CREG2: variants seen among roughly 807,000 people sequenced by gnomAD.
The protein encoded by CREG2 is protein CREG2.
CREG2 carries 24 observed loss-of-function variants against 26.2 expected under a neutral mutation model. The ratio of observed to expected loss-of-function variants is 0.92; its 90% confidence interval spans 0.66 to 1.29. CREG2 has a LOEUF of 1.29. CREG2 is among the 50% of genes most tolerant of loss of function. The probability of loss-of-function intolerance (pLI) is 0.00; values close to 1 mark genes in which losing one functional copy is unlikely to be tolerated. For missense variants in CREG2, 366 were observed against 398.6 expected, an observed-to-expected ratio of 0.92 and a Z score of 0.70; for synonymous variants, 174 against 169.2, an observed-to-expected ratio of 1.03 and a Z score of -0.22.
At chr2:101,363,815 A>T (rs1324819497) in intron 2 of CREG2, among the ~76,000 whole-genome samples, 1 of 151,154 alleles carries the variant, frequency 6.6e-6, no homozygotes, top group African/African-American at 2.4e-5. Flanking sequence ...ATGCCATTGC[A>T]CTCCAGCCTC....
chr2:101,386,962 C>T, intron 1 of CREG2, 55 bp downstream of exon 1: 1 of 1,229,064 alleles, frequency 8.1e-7, no homozygotes, highest in Non-Finnish European at 1.0e-6. Context: ...CTGTCCCCGT[C>T]CCCCGGCCGC....
At chr2:101,382,845 C>A in intron 2 of CREG2, 1 of 985,508 alleles carries the variant, frequency 1.0e-6, no homozygotes, top group Non-Finnish European at 1.2e-6. Flanking sequence ...CCCAGGCCAT[C>A]CTGGGCATTT....
chr2:101,363,873 CACACACACACAG>C (rs1028119751), intron 2 of CREG2, among the ~76,000 whole-genome samples: 1 of 151,664 alleles, frequency 6.6e-6, no homozygotes, highest in African/African-American at 2.4e-5. Context: ...CACACACACA[CACACACACACAG>C]ACACACACAC....
intron 1 of CREG2, among the ~76,000 whole-genome samples, chr2:101,384,219 A>G (rs1684928501): frequency 6.6e-6 from 1 of 152,228 alleles, no homozygotes; most frequent in Non-Finnish European, 1.5e-5. Context: ...TTAGGGCTGC[A>G]TCACTTTCTC....
chr2:101,374,494 T>C (rs887977091), intron 2 of CREG2, among the ~76,000 whole-genome samples: 1 of 152,250 alleles, frequency 6.6e-6, no homozygotes, highest in African/African-American at 2.4e-5. Context: ...ACTTATATGT[T>C]CCTTTCAAAA....
chr2:101,378,580 C>T (rs756886816), intron 2 of CREG2, among the ~76,000 whole-genome samples: 1 of 152,214 alleles, frequency 6.6e-6, no homozygotes, highest in Non-Finnish European at 1.5e-5. Context: ...TCACCTATTC[C>T]TTCTTCACCA....
chr2:101,384,618 C>T (rs180726673), intron 1 of CREG2, among the ~76,000 whole-genome samples: 69 of 152,298 alleles, frequency 4.5e-4, no homozygotes, highest in African/African-American at 1.6e-3. Context: ...TGGGGACTCA[C>T]CCTGTAATCC....
At chr2:101,371,759 C>G (rs1684710467) in intron 2 of CREG2, among the ~76,000 whole-genome samples, 1 of 152,174 alleles carries the variant, frequency 6.6e-6, no homozygotes, top group African/African-American at 2.4e-5. Context: ...ATGGAAGTGG[C>G]TGCACAAACC....
intron 2 of CREG2, among the ~76,000 whole-genome samples, chr2:101,374,240 TG>T (rs1229145548): frequency 6.6e-6 from 1 of 152,170 alleles, no homozygotes; most frequent in Non-Finnish European, 1.5e-5. Context: ...TAGCCAGGCA[TG>T]GTGGCGCCTG....
Position 101,387,062 on chromosome 2 carries a change from A to T in CREG2, c.396T>A (p.His132Gln). 8.1e-7 allele frequency: 1 copy of T among 1,232,888 alleles called. No homozygotes were observed. The highest frequency in any genetic ancestry group is 1.0e-6 in the Non-Finnish European group (1 of 989,086). 76.4% of individuals were successfully genotyped at this position (1,232,888 alleles called of 1,614,324 possible). A position where few individuals can be genotyped will look rare whatever the true frequency, so the allele number is the denominator to read the frequency against. The change falls in exon 1 of 4, where the codon CAT becomes CAA. Residue 132 changes from histidine (H) to glutamine (Q), a missense_variant. Around this residue, in one of 3 missense-constraint regions of CREG2, gnomAD observed 15 missense variants for 37.2 expected, o/e 0.40. Coordinates refer to ENST00000324768, the MANE Select transcript of CREG2 (RefSeq NM_153836.4). This position sits in a 1 kb window ranked among gnomAD's most constrained non-coding sequence, Gnocchi z 4.7. ...TGGCCAGGCAGCCCCAGACGCTGGC[A>T]TGGGCCAGGGAGCGGGCGGTGGCGG... ...LRAATARSLA[H>Q]ASVWGCLATV... is the part of the protein sequence containing the mutation.
At chr2:101,351,419 C>T (rs2104467913) in intron 3 of CREG2, among the ~76,000 whole-genome samples, 1 of 152,344 alleles carries the variant, frequency 6.6e-6, no homozygotes, top group African/African-American at 2.4e-5. Context: ...CTTCATAGGG[C>T]TGTGTGGGGA....
At chr2:101,359,855 AG>A (rs1272406166) in intron 2 of CREG2, among the ~76,000 whole-genome samples, 1 of 152,230 alleles carries the variant, frequency 6.6e-6, no homozygotes, top group Non-Finnish European at 1.5e-5. Flanking sequence ...GAAAGGCTTC[AG>A]GGGTCTCCAA....
At position 101,367,002 on chromosome 2, in the gene CREG2, C is replaced by T. The variant is rs567931356; in HGVS notation, c.612-11636G>A. Among the ~76,000 whole-genome samples, 13 of 152,186 alleles carry T rather than the reference C, an allele frequency of 8.5e-5. No individual in the cohort carries two copies. The South Asian group carries it at 1.2e-3, about 15-fold the overall frequency. On this transcript the variant is annotated intron_variant, in intron 2 of 3. Coordinates refer to ENST00000324768, the MANE Select transcript of CREG2 (RefSeq NM_153836.4). ...TTTATATCAGGGACTTGAGCATCCA[C>T]GGATTTTGGCGTCTTTTGGTGGGGG... is the stretch of plus-strand genomic sequence containing the variant.
intron 2 of CREG2, among the ~76,000 whole-genome samples, chr2:101,366,705 C>T (rs144409555): frequency 0.02 from 3,043 of 152,100 alleles, 55 homozygotes; most frequent in Middle Eastern, 0.044. Context: ...ACCTGAAATC[C>T]CAGCAACTTG....
intron 2 of CREG2, among the ~76,000 whole-genome samples, chr2:101,358,209 C>G (rs1182903796): frequency 6.6e-6 from 1 of 152,058 alleles, no homozygotes; most frequent in Non-Finnish European, 1.5e-5. Flanking sequence ...CCAGGCTGGT[C>G]TCAAACTCCT....
chr2:101,347,086 T>C lies in CREG2; in HGVS notation c.*3837A>G, dbSNP rs988780658. 23 of 152,244 alleles carry C rather than the reference T, an allele frequency of 1.5e-4. No individual in the cohort carries two copies. Among genetic ancestry groups the C allele is most frequent in the African/African-American group, 5.3e-4 (22 of 41,470 alleles). 9.4% of individuals were successfully genotyped at this position (152,244 alleles called of 1,614,324 possible). ...TGGAATCATACAGTGTGCAAACTTT[T>C]ATGATTGGCTTTGCTCACTCAGCAC... On this transcript the variant is annotated 3_prime_UTR_variant, in exon 4 of 4. Coordinates refer to ENST00000324768, the MANE Select transcript of CREG2 (RefSeq NM_153836.4).
intron 1 of CREG2, among the ~76,000 whole-genome samples, chr2:101,385,428 G>A (rs1382079468): frequency 2.0e-5 from 3 of 152,060 alleles, no homozygotes; most frequent in Non-Finnish European, 2.9e-5. Flanking sequence ...TGATCTGCCC[G>A]CCTCGGCCTC....
rs1684335991 is a variant in CREG2 at position 101,348,676 on chromosome 2, T to C, written c.*2247A>G. On this transcript the variant is annotated 3_prime_UTR_variant, in exon 4 of 4. Coordinates refer to ENST00000324768, the MANE Select transcript of CREG2 (RefSeq NM_153836.4). ...TTGCACTCACATACTAGTTCCAGAG[T>C]TTTTTTTTAAAAAAAATAGATTATT... The C allele has an allele frequency of 6.8e-6, 1 of 146,902 alleles. No individual in the cohort carries two copies. Among genetic ancestry groups the C allele is most frequent in the Admixed American group, 6.8e-5 (1 of 14,722 alleles). 9.1% of individuals were successfully genotyped at this position (146,902 alleles called of 1,614,324 possible). A position where few individuals can be genotyped will look rare whatever the true frequency, so the allele number is the denominator to read the frequency against.
chr2:101,362,995 G>C (rs577911245), intron 2 of CREG2, among the ~76,000 whole-genome samples: 1 of 152,292 alleles, frequency 6.6e-6, no homozygotes, highest in African/African-American at 2.4e-5. Context: ...CATCGAGGCT[G>C]GCCTGGTCCC....
Sources: allele counts gnomAD v4.1 joint callset (sites outside exome capture counted in the v4.1 genomes callset), GRCh38; gene constraint gnomAD v4.1.1; regional missense constraint gnomAD v4.1.1; non-coding constraint Gnocchi (gnomAD v3.1); transcripts MANE v1.5; gene names NCBI Gene and HGNC (gene_info 2026-07-23, HGNC 2026-07-21).